CHP1: variants seen among roughly 807,000 people sequenced by gnomAD.
CHP1 encodes the protein calcineurin like EF-hand protein 1.
A neutral mutation model predicts 27.4 loss-of-function variants in CHP1; 11 were observed. The ratio of observed to expected loss-of-function variants is 0.40; its 90% CI spans 0.25 to 0.67. The LOEUF is 0.67. Among genes scored for constraint, CHP1 ranks in the 30% least tolerant of loss-of-function variants. The pLI is 0.38. For missense variants in CHP1, 169 were observed against 251.3 expected, an observed-to-expected ratio of 0.67 and a Z score of 2.22; for synonymous variants, 89 against 87.4, an observed-to-expected ratio of 1.02 and a Z score of -0.10.
At chr15:41,270,349 G>T (rs2047482476) in intron 4 of CHP1, among the ~76,000 whole-genome samples, 1 of 151,992 alleles carries the variant, frequency 6.6e-6, no homozygotes, top group African/African-American at 2.4e-5. Flanking sequence ...GTTGGAAGAG[G>T]GACCATACTT....
chr15:41,240,630 A>G (rs1358987922), intron 1 of CHP1, among the ~76,000 whole-genome samples: 2 of 151,906 alleles, frequency 1.3e-5, no homozygotes, highest in East Asian at 2.0e-4. Context: ...GCGCATGCCT[A>G]TAATTCCAGC....
intron 1 of CHP1, among the ~76,000 whole-genome samples, chr15:41,231,861 A>G (rs948603875): frequency 2.0e-5 from 3 of 152,170 alleles, no homozygotes; most frequent in Non-Finnish European, 4.4e-5. Context: ...GTTTCTGGGT[A>G]AGGACCTAAA....
chr15:41,246,323 T>C (rs892215604), intron 2 of CHP1, among the ~76,000 whole-genome samples: 2 of 151,056 alleles, frequency 1.3e-5, no homozygotes, highest in Admixed American at 6.6e-5. Context: ...TAATGAGCTG[T>C]TTCTTTTTTT....
intron 1 of CHP1, among the ~76,000 whole-genome samples, chr15:41,242,337 AC>A (rs2047310731): frequency 6.6e-6 from 1 of 152,150 alleles, no homozygotes; most frequent in Non-Finnish European, 1.5e-5. Context: ...TGTTTGATGT[AC>A]CCCAATCAAA....
chr15:41,234,476 A>G (rs1468363032), intron 1 of CHP1, among the ~76,000 whole-genome samples: 3 of 152,332 alleles, frequency 2.0e-5, no homozygotes, highest in Admixed American at 2.0e-4. Flanking sequence ...TAATTGAGGA[A>G]TACTAAATTT....
intron 1 of CHP1, among the ~76,000 whole-genome samples, chr15:41,238,036 T>C (rs2047286212): frequency 6.6e-6 from 1 of 152,166 alleles, no homozygotes; most frequent in Non-Finnish European, 1.5e-5. Context: ...CCCTTTTTGT[T>C]TTTATTCTTT....
intron 2 of CHP1, among the ~76,000 whole-genome samples, chr15:41,252,459 G>A (rs1168958952): frequency 2.6e-5 from 4 of 152,158 alleles, no homozygotes; most frequent in African/African-American, 7.2e-5. Flanking sequence ...GAGCCACCAC[G>A]CCCGGCCTGG....
intron 2 of CHP1, among the ~76,000 whole-genome samples, chr15:41,255,459 G>A (rs1345624864): frequency 3.3e-5 from 5 of 152,136 alleles, no homozygotes; most frequent in Admixed American, 2.6e-4. Context: ...GATCACCTGA[G>A]GTCAGGAGTT....
At chr15:41,254,919 C>G (rs2047390935) in intron 2 of CHP1, among the ~76,000 whole-genome samples, 1 of 151,990 alleles carries the variant, frequency 6.6e-6, no homozygotes, top group Admixed American at 6.6e-5. Flanking sequence ...AGTTTATAAT[C>G]TTTTTTTTAA....
chr15:41,272,624 T>C (rs2047495987), intron 5 of CHP1, among the ~76,000 whole-genome samples: 2 of 152,026 alleles, frequency 1.3e-5, no homozygotes, highest in South Asian at 4.1e-4. Context: ...TTTCGCCATG[T>C]TGACCAGGCT....
At chr15:41,276,153 A>G (rs1211333786) in intron 5 of CHP1, among the ~76,000 whole-genome samples, 1 of 151,812 alleles carries the variant, frequency 6.6e-6, no homozygotes, top group African/African-American at 2.4e-5. Context: ...AGGCAGGAGA[A>G]TCGCCTGAAC....
chr15:41,263,633 G>A (rs964767412), intron 4 of CHP1, among the ~76,000 whole-genome samples: 4 of 152,202 alleles, frequency 2.6e-5, no homozygotes, highest in African/African-American at 9.6e-5. Flanking sequence ...CCAGCACTTT[G>A]GGAGGCCAAG....
intron 3 of CHP1, among the ~76,000 whole-genome samples, chr15:41,260,241 A>C (rs2047425835): frequency 6.6e-6 from 1 of 151,660 alleles, no homozygotes; most frequent in African/African-American, 2.4e-5. Context: ...ATTATGTTAC[A>C]TGGGGCATTC....
intron 1 of CHP1, among the ~76,000 whole-genome samples, chr15:41,243,266 G>T (rs554654869): frequency 6.6e-6 from 1 of 152,148 alleles, no homozygotes; most frequent in Non-Finnish European, 1.5e-5. Context: ...GCTTGAACCC[G>T]GGAGGCAGAG....
rs188052249 is a variant in CHP1, at chr15:41,242,389, A to G, written c.68-1278A>G. Among the ~76,000 whole-genome samples, 77 of 152,310 alleles carry G rather than the reference A, an allele frequency of 5.1e-4. 1 individual carries two copies. Among genetic ancestry groups the G allele is most frequent in the African/African-American group, 1.7e-3 (72 of 41,578 alleles). On this transcript the variant is annotated intron_variant, in intron 1 of 6. Transcript: ENST00000334660. The stretch of plus-strand genomic sequence containing the variant: ...ACCTACCTAGCCGTACACATCACCT[A>G]CCTAGCCGTACACCTACCTAGCAGT...
intron 2 of CHP1, among the ~76,000 whole-genome samples, chr15:41,254,238 C>T (rs951349710): frequency 1.6e-4 from 24 of 152,134 alleles, no homozygotes; most frequent in African/African-American, 5.8e-4. Context: ...TGTACACCTC[C>T]TTATTGAGAC....
chr15:41,276,583 A>G (rs1227598654), intron 5 of CHP1, among the ~76,000 whole-genome samples: 1 of 152,210 alleles, frequency 6.6e-6, no homozygotes, highest in African/African-American at 2.4e-5. Flanking sequence ...GTTAAGTTTA[A>G]GACAGATTTG....
Position 41,231,288 on chromosome 15 carries a change from C to A in CHP1, c.-95C>A. On this transcript the variant is annotated 5_prime_UTR_variant, in exon 1 of 7. Coordinates refer to ENST00000334660, the MANE Select transcript of CHP1 (RefSeq NM_007236.5). The stretch of plus-strand genomic sequence containing the variant: ...TCCGCAGTGGAAACACTGCCCTCTC[C>A]CTTCTTGACCCCTAGCCCTTCCTTC... 8.0e-7 allele frequency: 1 copy of A among 1,244,376 alleles called. No homozygotes were observed. The highest frequency in any genetic ancestry group is 1.3e-5 in the South Asian group (1 of 77,458). The allele number at this position is 1,244,376 out of a possible 1,614,324, so 77.1% of individuals were successfully genotyped here. A position where few individuals can be genotyped will look rare whatever the true frequency, so the allele number is the denominator to read the frequency against.
At chr15:41,248,981 C>T (rs940728196) in intron 2 of CHP1, among the ~76,000 whole-genome samples, 5 of 152,116 alleles carry the variant, frequency 3.3e-5, no homozygotes, top group African/African-American at 1.2e-4. Context: ...CAGCCCTCTC[C>T]TCTTCTACCC....
Sources: allele counts gnomAD v4.1 joint callset (sites outside exome capture counted in the v4.1 genomes callset), GRCh38; gene constraint gnomAD v4.1.1; transcripts MANE v1.5; gene names NCBI Gene and HGNC (gene_info 2026-07-23, HGNC 2026-07-21).